The following CD247 variants were observed in gnomAD, a reference collection of about 807,000 sequenced individuals.
CD247 encodes CD247 molecule, also known as T-cell surface glycoprotein CD3 zeta chain.
In CD247, 13 loss-of-function variants were observed where a neutral mutation model predicts 30.0. The ratio of observed to expected loss-of-function variants is 0.43; its 90% confidence interval spans 0.28 to 0.69. The LOEUF is 0.69. Ranked by LOEUF, CD247 falls within the 30% of genes least tolerant of loss-of-function variation. The pLI is 0.16. For synonymous variants in CD247, 72 were observed against 80.0 expected, an observed-to-expected ratio of 0.90 and a Z score of 0.53; for missense variants, 193 against 212.6, an observed-to-expected ratio of 0.91 and a Z score of 0.57.
intron 1 of CD247, among the ~76,000 whole-genome samples, chr1:167,509,243 G>A (rs1487485854): frequency 6.6e-6 from 1 of 151,974 alleles, no homozygotes; most frequent in East Asian, 1.9e-4. Flanking sequence ...GCACATGCCT[G>A]TAATCCCAGC....
intron 1 of CD247, among the ~76,000 whole-genome samples, chr1:167,460,603 T>A (rs1053952752): frequency 6.6e-5 from 10 of 152,286 alleles, no homozygotes; most frequent in East Asian, 3.9e-4. Flanking sequence ...CTTCTTTTTT[T>A]AAAAATTATA....
chr1:167,478,336 T>G lies in CD247; in HGVS notation c.59-37569A>C, dbSNP rs181376242. Among the ~76,000 whole-genome samples the G allele has an allele frequency of 1.7e-3, 264 of 152,346 alleles. 1 individual carries two copies. The highest frequency in any genetic ancestry group is 3.1e-3 in the Admixed American group (47 of 15,304). On this transcript the variant is annotated intron_variant, in intron 1 of 7. Coordinates refer to ENST00000362089, the MANE Select transcript of CD247 (RefSeq NM_198053.3). Reference sequence around the variant, plus strand: ...CATGGAAGAACCAGACCTGCCTGAGTACCTAACATGGCAAAGGGCCTTCGG... The same window carrying G: ...CATGGAAGAACCAGACCTGCCTGAGGACCTAACATGGCAAAGGGCCTTCGG...
intron 1 of CD247, among the ~76,000 whole-genome samples, chr1:167,504,994 T>A (rs1020476276): frequency 6.6e-5 from 10 of 152,200 alleles, no homozygotes; most frequent in Admixed American, 5.2e-4. Flanking sequence ...GTCCTCACAA[T>A]ACCAAATAAC....
chr1:167,516,446 T>C (rs751023776), intron 1 of CD247, among the ~76,000 whole-genome samples: 13 of 152,190 alleles, frequency 8.5e-5, no homozygotes, highest in Non-Finnish European at 1.3e-4. Context: ...TAGTAAAAAG[T>C]AGACATTTTA....
At chr1:167,470,872 CTTTTTTT>C (rs768647657) in intron 1 of CD247, among the ~76,000 whole-genome samples, 1 of 134,264 alleles carries the variant, frequency 7.4e-6, no homozygotes, top group Non-Finnish European at 1.6e-5. Flanking sequence ...TTCTTTCTTT[CTTTTTTT>C]TTTTTTTTTT....
intron 1 of CD247, among the ~76,000 whole-genome samples, chr1:167,458,121 G>A (rs1346574431): frequency 1.3e-5 from 2 of 152,202 alleles, no homozygotes; most frequent in South Asian, 2.1e-4. Flanking sequence ...CCAAAATACT[G>A]GTGTTAATAC....
At chr1:167,459,190 A>G (rs1652875201) in intron 1 of CD247, among the ~76,000 whole-genome samples, 1 of 151,818 alleles carries the variant, frequency 6.6e-6, no homozygotes, top group South Asian at 2.1e-4. Flanking sequence ...ACAGAATATT[A>G]GTTACATTTT....
At chr1:167,496,573 G>T in intron 1 of CD247, among the ~76,000 whole-genome samples, 1 of 152,284 alleles carries the variant, frequency 6.6e-6, no homozygotes, top group East Asian at 1.9e-4. Flanking sequence ...TCTACAGAGC[G>T]GGCAGAGAGT....
At chr1:167,434,958 C>T (rs575117429) in intron 5 of CD247, 150 of 410,508 alleles carry the variant, frequency 3.7e-4, no homozygotes, top group Non-Finnish European at 4.1e-4. Flanking sequence ...TCCTCCAGCC[C>T]TTCCTCCGGA....
chr1:167,461,654 C>T (rs1189266986), intron 1 of CD247, among the ~76,000 whole-genome samples: 4 of 152,098 alleles, frequency 2.6e-5, no homozygotes, highest in African/African-American at 9.7e-5. Context: ...TCGAGACCAC[C>T]CTGGCCAATA....
At chr1:167,438,783 G>C in intron 3 of CD247, 133 bp from the exon 4 acceptor site, 2 of 752,128 alleles carry the variant, frequency 2.7e-6, no homozygotes, top group Non-Finnish European at 4.9e-6. Flanking sequence ...GGAGGGGATG[G>C]TAACTGGTCC....
Position 167,494,215 on chromosome 1 carries a change from G to C in CD247, c.58+24193C>G, listed in dbSNP as rs938037941. ...GGCTAGTGAATAAAACACTTCTGAA[G>C]GGTCTTTGCTGCCTGTGTTGATGGC... On this transcript the variant is annotated intron_variant, in intron 1 of 7. Transcript: ENST00000362089. This position sits in a 1 kb window ranked among gnomAD's most constrained non-coding sequence, Gnocchi z 7.3. 2.6e-5 allele frequency among the ~76,000 whole-genome samples: 4 copies of C among 152,200 alleles called. No individual in the cohort carries two copies. Among genetic ancestry groups the C allele is most frequent in the Non-Finnish European group, 4.4e-5 (3 of 68,038 alleles).
At chr1:167,461,785 T>A (rs1360727633) in intron 1 of CD247, among the ~76,000 whole-genome samples, 1 of 151,962 alleles carries the variant, frequency 6.6e-6, no homozygotes, top group Non-Finnish European at 1.5e-5. Context: ...GAGGCAGAGG[T>A]TGCAGTGAGC....
chr1:167,503,758 C>T (rs1200472944), intron 1 of CD247, among the ~76,000 whole-genome samples: 1 of 152,084 alleles, frequency 6.6e-6, no homozygotes, highest in East Asian at 1.9e-4. Context: ...CTGCCTGGGA[C>T]CAGGAACCAT....
At chr1:167,449,149 C>CTT (rs71097676) in intron 1 of CD247, among the ~76,000 whole-genome samples, 21,473 of 64,908 alleles carry the variant, frequency 0.33, 2,950 homozygotes, top group Non-Finnish European at 0.41. Context: ...TTTTTCTTTT[C>CTT]TTTTTTTTTT....
intron 1 of CD247, among the ~76,000 whole-genome samples, chr1:167,468,408 A>G (rs1301956494): frequency 6.6e-6 from 1 of 152,222 alleles, no homozygotes; most frequent in Non-Finnish European, 1.5e-5. Context: ...TATTGAACAG[A>G]GTCAATTTTT....
intron 1 of CD247, among the ~76,000 whole-genome samples, chr1:167,514,461 C>T (rs1187944069): frequency 6.6e-6 from 1 of 152,164 alleles, no homozygotes. Context: ...AGGTACCATG[C>T]TAAGTGCTGG....
intron 1 of CD247, among the ~76,000 whole-genome samples, chr1:167,464,516 A>G (rs1484604838): frequency 6.6e-6 from 1 of 152,192 alleles, no homozygotes; most frequent in Non-Finnish European, 1.5e-5. Context: ...CATGGGGAGA[A>G]GCTTCCCTCA....
chr1:167,450,004 T>C (rs1209014981), intron 1 of CD247, among the ~76,000 whole-genome samples: 1 of 152,248 alleles, frequency 6.6e-6, no homozygotes, highest in Non-Finnish European at 1.5e-5. Flanking sequence ...ATTTCATATA[T>C]TCATATTTCA....
Sources: gnomAD v4.1 joint callset for allele counts (sites outside exome capture counted in the v4.1 genomes callset) on GRCh38, gnomAD v4.1.1 for gene constraint, Gnocchi (gnomAD v3.1) non-coding constraint, MANE v1.5 for transcripts, NCBI Gene and HGNC (gene_info 2026-07-23, HGNC 2026-07-21) for gene names.